The following HLA-DMB variants were observed in gnomAD, a reference collection of about 807,000 sequenced individuals.
The protein encoded by HLA-DMB is HLA class II histocompatibility antigen, DM beta chain.
In HLA-DMB, 18 loss-of-function variants were observed where a neutral mutation model predicts 29.3. That is an observed-to-expected ratio of 0.62 (90% CI 0.43 to 0.91). The LOEUF is 0.91. Among genes scored for constraint, HLA-DMB ranks in the 40% least tolerant of loss-of-function variants. HLA-DMB has a pLI of 0.00. For synonymous variants in HLA-DMB, 143 were observed against 128.7 expected (o/e 1.11, Z -0.75); for missense variants, 258 against 320.9 (o/e 0.80, Z 1.50).
Position 32,934,919 on chromosome 6 carries a change from A to C in HLA-DMB, c.*52T>G. 6.4e-7 allele frequency: 1 copy of C among 1,558,678 alleles called. No homozygotes were observed. The highest frequency in any genetic ancestry group is 8.8e-7 in the Non-Finnish European group (1 of 1,130,488). On this transcript the variant is annotated 3_prime_UTR_variant, in exon 6 of 6. Coordinates refer to ENST00000418107, the MANE Select transcript of HLA-DMB (RefSeq NM_002118.5). Reference sequence around the variant, plus strand: ...GATGTTGGAGAGGCATGGTAGCATCATTGAGTTTGAATCTCCTTCTCACTT... The same window carrying C: ...GATGTTGGAGAGGCATGGTAGCATCCTTGAGTTTGAATCTCCTTCTCACTT...
chr6:32,935,512 A>G (rs774294363), intron 4 of HLA-DMB, 24 bp downstream of exon 4: 6 of 1,578,560 alleles, frequency 3.8e-6, no homozygotes, highest in Non-Finnish European at 5.2e-6. Flanking sequence ...AAGAGTGGGG[A>G]TGGGAGTTCA....
At position 32,935,387 on chromosome 6, in the gene HLA-DMB, G is replaced by T; in HGVS notation, c.740-10C>A. ...GGAAGAGGAGTGTAACCTAAGAGAG[G>T]AAGATACTTGATTATACCAGTCTTT... On this transcript the variant is annotated splice_polypyrimidine_tract_variant and intron_variant, in intron 4 of 5. Transcript: ENST00000418107. The T allele has an allele frequency of 6.2e-7, 1 of 1,604,108 alleles. No homozygotes were observed. The highest frequency in any genetic ancestry group is 8.5e-7 in the Non-Finnish European group (1 of 1,171,878).
chr6:32,939,924 G>C (rs1445306738), intron 1 of HLA-DMB, among the ~76,000 whole-genome samples: 1 of 152,070 alleles, frequency 6.6e-6, no homozygotes, highest in Non-Finnish European at 1.5e-5. Flanking sequence ...GTCTGAAATG[G>C]AGGCAGTCTT....
Position 32,940,870 on chromosome 6 carries a change from G to C in HLA-DMB, c.-63C>G. 7.7e-7 allele frequency: 1 copy of C among 1,296,454 alleles called. No homozygotes were observed. The highest frequency in any genetic ancestry group is 1.1e-6 in the Non-Finnish European group (1 of 918,760). The allele number at this position is 1,296,454 out of a possible 1,614,324, so 80.3% of individuals were successfully genotyped here. A position where few individuals can be genotyped will look rare whatever the true frequency, so the allele number is the denominator to read the frequency against. On this transcript the variant is annotated 5_prime_UTR_variant, in exon 1 of 6. Transcript: ENST00000418107. ...GGACCAGCTCTTCCAGGGTCCGTGG[G>C]TCCTCGCCTGTCCCAGAAGCCCCAG...
rs1776058392 is a variant in HLA-DMB at position 32,937,215 on chromosome 6, C to T, written c.579G>A (p.Val193=). The stretch of plus-strand genomic sequence containing the variant: ...GCTCAGGAGCCCCAGTGTGCTCTAC[C>T]ACACAGGTGTAAGTGTCCCCGTAAG... ...TPSYGDTYTC[V]VEHTGAPEPI... Residue 193 remains valine (V), a synonymous_variant, in exon 3 of 6, where the codon GTG becomes GTA. Transcript: ENST00000418107. The surrounding 1 kb of genome is among the most constrained non-coding windows in gnomAD (Gnocchi z 4.1). 5.0e-6 allele frequency: 8 copies of T among 1,611,200 alleles called. No individual in the cohort carries two copies. The highest frequency in any genetic ancestry group is 6.8e-6 in the Non-Finnish European group (8 of 1,177,788).
rs183093709 is a variant in HLA-DMB, at chr6:32,937,113, G to A, written c.622+59C>T. 4.9e-4 allele frequency: 702 copies of A among 1,432,172 alleles called. 1 individual carries two copies. The highest frequency in any genetic ancestry group is 2.2e-3 in the African/African-American group (156 of 70,476). 88.7% of individuals were successfully genotyped at this position (1,432,172 alleles called of 1,614,324 possible). On this transcript the variant is annotated intron_variant, in intron 3 of 5. Coordinates refer to ENST00000418107, the MANE Select transcript of HLA-DMB (RefSeq NM_002118.5). The surrounding 1 kb of genome is among the most constrained non-coding windows in gnomAD (Gnocchi z 4.1). ...CGCTGTCTACCATGTACCATGTATC[G>A]ATCCACATCTCATTTTCTCTGCTTT...
intron 2 of HLA-DMB, 29 bp downstream of exon 2, chr6:32,938,655 G>T: frequency 6.9e-7 from 1 of 1,440,228 alleles, no homozygotes; most frequent in Non-Finnish European, 9.2e-7. Flanking sequence ...GCACTTCCTG[G>T]TAGCCCCTCT....
Position 32,935,574 on chromosome 6 carries a change from GAGA to G in HLA-DMB, c.698_700del (p.Phe233del), listed in dbSNP as rs1425495536. 7 of 1,613,110 alleles carry G rather than the reference GAGA, an allele frequency of 4.3e-6. No individual in the cohort carries two copies. The highest frequency in any genetic ancestry group is 5.9e-6 in the Non-Finnish European group (7 of 1,180,004). Reference sequence around the variant, plus strand: ...TCTCCGCCAGCTGATCACACCAAGAGAGAAGATGATGAGGCCCAGGCCCAGAGT... The same window carrying G: ...TCTCCGCCAGCTGATCACACCAAGAGAGATGATGAGGCCCAGGCCCAGAGT... On this transcript the variant is annotated inframe_deletion, in exon 4 of 6. Transcript: ENST00000418107.
At chr6:32,935,716 ATT>A in intron 3 of HLA-DMB, 64 bp from the exon 4 acceptor site, 1 of 1,168,574 alleles carries the variant, frequency 8.6e-7, no homozygotes, top group Non-Finnish European at 1.3e-6. Flanking sequence ...AATTCCATTT[ATT>A]GCAGCCACCT....
intron 1 of HLA-DMB, among the ~76,000 whole-genome samples, chr6:32,940,401 G>A (rs2127471988): frequency 6.6e-6 from 1 of 152,010 alleles, no homozygotes; most frequent in Middle Eastern, 3.4e-3. Context: ...TATTGAGAGA[G>A]AAAAAGGGTC....
rs367555181 is a variant in HLA-DMB, at chr6:32,937,049, C to G, written c.622+123G>C. The G allele has an allele frequency of 1.4e-6, 1 of 730,802 alleles. No homozygotes were observed. Among genetic ancestry groups the G allele is most frequent in the Non-Finnish European group, 2.1e-6 (1 of 467,710 alleles). 45.3% of individuals were successfully genotyped at this position (730,802 alleles called of 1,614,324 possible). ...TTCCCCATTCTGGTCCTAAGCCCCC[C>G]GTAAGTTCCTCCAGACTCAGTCCCC... On this transcript the variant is annotated intron_variant, in intron 3 of 5. Transcript: ENST00000418107. The surrounding 1 kb of genome is among the most constrained non-coding windows in gnomAD (Gnocchi z 4.1).
chr6:32,937,277 T>C lies in HLA-DMB; in HGVS notation c.517A>G (p.Thr173Ala). The C allele has an allele frequency of 6.2e-7, 1 of 1,614,122 alleles. No individual in the cohort carries two copies. The highest frequency in any genetic ancestry group is 8.5e-7 in the Non-Finnish European group (1 of 1,179,986). Residue 173 changes from threonine to alanine, a missense_variant, in exon 3 of 6, where the codon ACA becomes GCA. Physicochemically the swap from Thr to Ala is moderately conservative, Grantham distance 58. Transcript: ENST00000418107. The surrounding 1 kb of genome is among the most constrained non-coding windows in gnomAD (Gnocchi z 4.1). ...GCTAAATGGGAGAGGGTCTGGTATG[T>C]CCAGTCTCCATTGGGCTGGGCAGTC... ...HKTAQPNGDW[T>A]YQTLSHLALT... is the part of the protein sequence containing the mutation.
intron 3 of HLA-DMB, chr6:32,936,971 A>G (rs1347539588): frequency 1.7e-5 from 7 of 421,582 alleles, no homozygotes; most frequent in Non-Finnish European, 2.9e-5. Context: ...AGTAATGGCA[A>G]AAACTGCAAT....
chr6:32,939,620 G>T (rs988430898), intron 1 of HLA-DMB, among the ~76,000 whole-genome samples: 1 of 152,086 alleles, frequency 6.6e-6, no homozygotes, highest in African/African-American at 2.4e-5. Flanking sequence ...CTAGAAGAAG[G>T]ATATGGAATG....
At position 32,934,743 on chromosome 6, in the gene HLA-DMB, C is replaced by T; in HGVS notation, c.*228G>A. On this transcript the variant is annotated 3_prime_UTR_variant, in exon 6 of 6. Coordinates refer to ENST00000418107, the MANE Select transcript of HLA-DMB (RefSeq NM_002118.5). ...CTCCCTTCCTCAGATTATATTCATCCCAGAAATATAGCCTTGGACAATAAT... is the reference window on the plus strand; with the variant it reads ...CTCCCTTCCTCAGATTATATTCATCTCAGAAATATAGCCTTGGACAATAAT... 3.4e-6 allele frequency: 2 copies of T among 588,554 alleles called. No individual in the cohort carries two copies. Among genetic ancestry groups the T allele is most frequent in the Non-Finnish European group, 6.0e-6 (2 of 332,272 alleles). The allele number at this position is 588,554 out of a possible 1,614,324, so 36.5% of individuals were successfully genotyped here.
At position 32,938,721 on chromosome 6, in the gene HLA-DMB, G is replaced by A; in HGVS notation, c.300C>T (p.His100=). ...TCAGTGATCCCCAGAAGGGCTGGGT[G>A]TGTGTGGCACAATTCTGAAGCCCAT... The part of the protein sequence containing the change: ...LRNGLQNCAT[H]TQPFWGSLTN... Residue 100 remains histidine, a synonymous_variant, in exon 2 of 6, where the codon CAC becomes CAT. Coordinates refer to ENST00000418107, the MANE Select transcript of HLA-DMB (RefSeq NM_002118.5). 2 of 1,566,706 alleles carry A rather than the reference G, an allele frequency of 1.3e-6. No homozygotes were observed. The highest frequency in any genetic ancestry group is 1.7e-6 in the Non-Finnish European group (2 of 1,155,014).
In HLA-DMB at chr6:32,934,954, G is replaced by A. The variant is rs766008176; in HGVS notation, c.*17C>T. 3 of 1,611,978 alleles carry A rather than the reference G, an allele frequency of 1.9e-6. No individual in the cohort carries two copies. Among genetic ancestry groups the A allele is most frequent in the Non-Finnish European group, 2.5e-6 (3 of 1,179,196 alleles). On this transcript the variant is annotated 3_prime_UTR_variant, in exon 6 of 6. Transcript: ENST00000418107. Reference sequence around the variant, plus strand: ...AATCTCCTTCTCACTTGGAGTGGAAGTTGTAGGATTCTGCCTCTAGGAAAT... The same window carrying A: ...AATCTCCTTCTCACTTGGAGTGGAAATTGTAGGATTCTGCCTCTAGGAAAT...
At position 32,937,333 on chromosome 6, in the gene HLA-DMB, T is replaced by C. The variant is rs1776067445; in HGVS notation, c.461A>G (p.Lys154Arg). 1 of 1,614,078 alleles carries C rather than the reference T, an allele frequency of 6.2e-7. No individual in the cohort carries two copies. The highest frequency in any genetic ancestry group is 1.1e-5 in the South Asian group (1 of 91,092). Residue 154 changes from lysine (K) to arginine (R), a missense_variant, in exon 3 of 6, where the codon AAG (lysine) becomes AGG (arginine). Lys to Arg is a conservative substitution (Grantham distance 26). Transcript: ENST00000418107. The surrounding 1 kb of genome is among the most constrained non-coding windows in gnomAD (Gnocchi z 4.1). Reference protein sequence around the residue: ...EVTITWRKNGKLVMPHSSAHK... With the variant: ...EVTITWRKNGRLVMPHSSAHK... ...CGCACTGCTGTGAGGCATGACAAGC[T>C]TCCCGTTCTTCCTCCACGTGATAGT... is the stretch of plus-strand genomic sequence containing the variant.
At chr6:32,935,756 C>A in intron 3 of HLA-DMB, 104 bp from the exon 4 acceptor site, 1 of 747,274 alleles carries the variant, frequency 1.3e-6, no homozygotes, top group South Asian at 1.6e-5. Context: ...TCCTTTATCC[C>A]AGCTCCAAGG....
Sources: allele counts gnomAD v4.1 joint callset (sites outside exome capture counted in the v4.1 genomes callset), GRCh38; gene constraint gnomAD v4.1.1; non-coding constraint Gnocchi (gnomAD v3.1); transcripts MANE v1.5; gene names NCBI Gene and HGNC (gene_info 2026-07-23, HGNC 2026-07-21).